MAP1LC3B2: variants seen among roughly 807,000 people sequenced by gnomAD.
MAP1LC3B2 encodes the protein microtubule associated protein 1 light chain 3 beta 2.
For missense variants in MAP1LC3B2, 155 were observed against 154.6 expected (o/e 1.00, Z -0.01); for synonymous variants, 62 against 57.8 (o/e 1.07, Z -0.33).
chr12:116,572,593 T>C (rs1869565100), intron 1 of MAP1LC3B2, among the ~76,000 whole-genome samples: 1 of 152,054 alleles, frequency 6.6e-6, no homozygotes, highest in Admixed American at 6.6e-5. Flanking sequence ...CTCGAACTCC[T>C]GACCTTTTGA....
At chr12:116,569,062 C>T (rs1332070717) in intron 1 of MAP1LC3B2, among the ~76,000 whole-genome samples, 7 of 151,920 alleles carry the variant, frequency 4.6e-5, no homozygotes, top group South Asian at 2.1e-4. Context: ...TGGGGTTTCA[C>T]GGTGTTAGCC....
At chr12:116,561,892 G>T (rs1175116638) in intron 1 of MAP1LC3B2, among the ~76,000 whole-genome samples, 1 of 152,226 alleles carries the variant, frequency 6.6e-6, no homozygotes, top group Non-Finnish European at 1.5e-5. Context: ...CACAAGTGTA[G>T]TAAGGCTATT....
intron 1 of MAP1LC3B2, among the ~76,000 whole-genome samples, chr12:116,562,022 C>T (rs1003625916): frequency 2.2e-5 from 2 of 91,170 alleles, no homozygotes; most frequent in African/African-American, 7.9e-5. Flanking sequence ...CAGACCTGAC[C>T]AGTCAGACTC....
intron 1 of MAP1LC3B2, among the ~76,000 whole-genome samples, chr12:116,562,597 GC>G (rs1869299627): frequency 6.6e-6 from 1 of 152,178 alleles, no homozygotes; most frequent in African/African-American, 2.4e-5. Flanking sequence ...GCTTTGAGTG[GC>G]CAATCTGTAC....
At chr12:116,565,890 C>T (rs900334894) in intron 1 of MAP1LC3B2, among the ~76,000 whole-genome samples, 1 of 152,120 alleles carries the variant, frequency 6.6e-6, no homozygotes, top group Non-Finnish European at 1.5e-5. Flanking sequence ...GCAATATTTA[C>T]GAAAGCACAA....
chr12:116,562,246 A>C (rs1869291152), intron 1 of MAP1LC3B2, among the ~76,000 whole-genome samples: 1 of 152,220 alleles, frequency 6.6e-6, no homozygotes, highest in African/African-American at 2.4e-5. Flanking sequence ...GAGAGTCCTG[A>C]CAACAATATT....
rs113869919 is a variant in MAP1LC3B2, at chr12:116,571,573, C to T, written c.-101-4269C>T. On this transcript the variant is annotated intron_variant, in intron 1 of 1. Transcript: ENST00000556529. The stretch of plus-strand genomic sequence containing the variant: ...TCTGCTCACTGCAAGCTCCGCCTCC[C>T]GGGTTCATGCCATTCTCCTGCCTCA... 4.5e-3 allele frequency among the ~76,000 whole-genome samples: 654 copies of T among 145,128 alleles called. 3 individuals are homozygous for T. Among genetic ancestry groups the T allele is most frequent in the African/African-American group, 0.016 (611 of 38,722 alleles).
chr12:116,572,585 C>G (rs1869564837), intron 1 of MAP1LC3B2, among the ~76,000 whole-genome samples: 1 of 152,064 alleles, frequency 6.6e-6, no homozygotes, highest in African/African-American at 2.4e-5. Flanking sequence ...AGGATGGTCT[C>G]GAACTCCTGA....
chr12:116,573,992 A>G (rs1305339500), intron 1 of MAP1LC3B2, among the ~76,000 whole-genome samples: 2 of 152,290 alleles, frequency 1.3e-5, no homozygotes, highest in East Asian at 1.9e-4. Context: ...TTTTTTACCC[A>G]TCAGATTGGC....
chr12:116,560,715 T>A (rs1869249168), intron 1 of MAP1LC3B2, among the ~76,000 whole-genome samples: 1 of 152,002 alleles, frequency 6.6e-6, no homozygotes, highest in Non-Finnish European at 1.5e-5. Flanking sequence ...GATTGAATCA[T>A]CCTAGACTAC....
chr12:116,560,190 ATATATATATATATAT>A (rs1869218941), intron 1 of MAP1LC3B2: 1 of 812 alleles, frequency 1.2e-3, no homozygotes, highest in African/African-American at 2.4e-3. Flanking sequence ...AAGTTTGGCT[ATATATATATATATAT>A]ATATATATAT....
chr12:116,567,144 G>A (rs1239545878), intron 1 of MAP1LC3B2, among the ~76,000 whole-genome samples: 4 of 151,788 alleles, frequency 2.6e-5, no homozygotes, highest in Non-Finnish European at 5.9e-5. Flanking sequence ...CTGGGTTTTT[G>A]GAGATTTAGA....
chr12:116,574,831 C>T (rs950528873), intron 1 of MAP1LC3B2, among the ~76,000 whole-genome samples: 11 of 151,808 alleles, frequency 7.2e-5, no homozygotes, highest in Non-Finnish European at 1.5e-4. Flanking sequence ...GTTGGGATTA[C>T]AGGCCTATAT....
At chr12:116,563,087 G>A (rs987285452) in intron 1 of MAP1LC3B2, among the ~76,000 whole-genome samples, 5 of 152,048 alleles carry the variant, frequency 3.3e-5, no homozygotes, top group East Asian at 1.9e-4. Context: ...TCAGCCTCTC[G>A]AGTAGCTGGG....
chr12:116,567,540 G>A (rs578065406), intron 1 of MAP1LC3B2, among the ~76,000 whole-genome samples: 3 of 150,898 alleles, frequency 2.0e-5, no homozygotes, highest in Non-Finnish European at 4.4e-5. Flanking sequence ...TTGAGGTCAG[G>A]AGTTTGAGAC....
Position 116,566,233 on chromosome 12 carries a change from G to A in MAP1LC3B2, c.-102+6800G>A, listed in dbSNP as rs150071882. On this transcript the variant is annotated intron_variant, in intron 1 of 1. Coordinates refer to ENST00000556529, the MANE Select transcript of MAP1LC3B2 (RefSeq NM_001085481.3). ...CTGGGAACAAAACATGCAGCAAAATGCATTTCTTCTTTTCCCACTACTCAT... is the reference window on the plus strand; with the variant it reads ...CTGGGAACAAAACATGCAGCAAAATACATTTCTTCTTTTCCCACTACTCAT... Among the ~76,000 whole-genome samples, 13 of 152,302 alleles carry A rather than the reference G, an allele frequency of 8.5e-5. No homozygotes were observed. The East Asian group carries it at 2.3e-3, about 27-fold the overall frequency.
chr12:116,564,955 A>G (rs545050744), intron 1 of MAP1LC3B2, among the ~76,000 whole-genome samples: 15 of 152,250 alleles, frequency 9.9e-5, no homozygotes, highest in Admixed American at 7.2e-4. Context: ...CTGTGGCCCA[A>G]TCTCTGAAAA....
At chr12:116,564,624 C>T (rs995174112) in intron 1 of MAP1LC3B2, among the ~76,000 whole-genome samples, 2 of 152,176 alleles carry the variant, frequency 1.3e-5, no homozygotes, top group Admixed American at 1.3e-4. Context: ...ATAGCAGTTC[C>T]TTGACAGTCT....
intron 1 of MAP1LC3B2, among the ~76,000 whole-genome samples, chr12:116,568,973 C>T (rs1869457899): frequency 6.6e-6 from 1 of 151,434 alleles, no homozygotes; most frequent in Non-Finnish European, 1.5e-5. Context: ...CATTCTCCTG[C>T]CTCAGCCTCC....
Sources: allele counts gnomAD v4.1 joint callset (sites outside exome capture counted in the v4.1 genomes callset), GRCh38; gene constraint gnomAD v4.1.1; transcripts MANE v1.5; gene names NCBI Gene and HGNC (gene_info 2026-07-23, HGNC 2026-07-21).